Variants in TMEM132D observed in about 807,000 individuals in gnomAD.
TMEM132D encodes mature OL transmembrane protein.
TMEM132D carries 21 observed loss-of-function variants against 62.3 expected under a neutral mutation model. The ratio of observed to expected loss-of-function variants is 0.34; its 90% CI spans 0.24 to 0.49. The LOEUF is 0.49. Among genes scored for constraint, TMEM132D ranks in the 20% least tolerant of loss-of-function variants. The probability of loss-of-function intolerance (pLI) is 0.99; values close to 1 mark genes in which losing one functional copy is unlikely to be tolerated. For missense variants in TMEM132D, 1,346 were observed against 1,402.8 expected (o/e 0.96, Z 0.65); for synonymous variants, 621 against 575.6 (o/e 1.08, Z -1.13).
intron 5 of TMEM132D, among the ~76,000 whole-genome samples, chr12:129,207,745 G>T (rs989468920): frequency 7.1e-6 from 1 of 140,552 alleles, no homozygotes; most frequent in Non-Finnish European, 1.6e-5. Context: ...TGTGAGGAGG[G>T]GAAGCCAGTG....
intron 3 of TMEM132D, among the ~76,000 whole-genome samples, chr12:129,412,945 A>G (rs1593369952): frequency 6.6e-6 from 1 of 152,328 alleles, no homozygotes; most frequent in South Asian, 2.1e-4. Flanking sequence ...ACATTGAGGA[A>G]CTCATGTGCC....
intron 1 of TMEM132D, among the ~76,000 whole-genome samples, chr12:129,821,502 T>G (rs1036539533): frequency 1.3e-5 from 2 of 152,094 alleles, no homozygotes; most frequent in Non-Finnish European, 2.9e-5. Context: ...AATTTCAGGG[T>G]CTGCACATCG....
chr12:129,580,818 G>A (rs1460102839), intron 2 of TMEM132D, among the ~76,000 whole-genome samples: 1 of 152,138 alleles, frequency 6.6e-6, no homozygotes, highest in Non-Finnish European at 1.5e-5. Context: ...GTTCATCACT[G>A]ATATTCAGAA....
intron 4 of TMEM132D, among the ~76,000 whole-genome samples, chr12:129,272,684 C>T (rs1404646413): frequency 6.6e-6 from 1 of 151,554 alleles, no homozygotes; most frequent in African/African-American, 2.4e-5. Context: ...AGATATTAGA[C>T]CTTAATTGGA....
chr12:129,483,764 TA>T (rs1874496748), intron 3 of TMEM132D, among the ~76,000 whole-genome samples: 1 of 152,108 alleles, frequency 6.6e-6, no homozygotes, highest in Admixed American at 6.5e-5. Flanking sequence ...GTGCCCCAAT[TA>T]GGGGGCATTT....
intron 1 of TMEM132D, among the ~76,000 whole-genome samples, chr12:129,797,351 G>A (rs1239597694): frequency 6.6e-6 from 1 of 152,178 alleles, no homozygotes; most frequent in Admixed American, 6.5e-5. Flanking sequence ...TTTCCTTGAA[G>A]CATGGAGTTT....
chr12:129,522,242 T>A (rs1439728869), intron 3 of TMEM132D, among the ~76,000 whole-genome samples: 1 of 152,172 alleles, frequency 6.6e-6, no homozygotes, highest in Non-Finnish European at 1.5e-5. Flanking sequence ...AACCAAACTG[T>A]ATATATTAAT....
chr12:129,758,187 G>C (rs1003992555), intron 1 of TMEM132D, among the ~76,000 whole-genome samples: 1 of 152,128 alleles, frequency 6.6e-6, no homozygotes, highest in African/African-American at 2.4e-5. Flanking sequence ...TTACAGGTGT[G>C]AGCCACCACG....
intron 3 of TMEM132D, among the ~76,000 whole-genome samples, chr12:129,452,717 G>GT (rs1459186899): frequency 2.3e-5 from 3 of 129,926 alleles, no homozygotes; most frequent in Non-Finnish European, 5.0e-5. Flanking sequence ...AAGAAGAAAG[G>GT]AGGGGAGAGA....
intron 4 of TMEM132D, among the ~76,000 whole-genome samples, chr12:129,317,378 T>C (rs1868522560): frequency 6.6e-6 from 1 of 152,128 alleles, no homozygotes; most frequent in Admixed American, 6.5e-5. Context: ...CTGAAAACGA[T>C]TGTATCTTTC....
intron 2 of TMEM132D, among the ~76,000 whole-genome samples, chr12:129,684,900 A>G (rs930372413): frequency 1.3e-5 from 2 of 152,156 alleles, no homozygotes; most frequent in Admixed American, 1.3e-4. Flanking sequence ...TCCCTGCCTT[A>G]GAGATCTGTG....
At chr12:129,252,572 A>T (rs1942944270) in intron 4 of TMEM132D, among the ~76,000 whole-genome samples, 1 of 152,170 alleles carries the variant, frequency 6.6e-6, no homozygotes, top group African/African-American at 2.4e-5. Flanking sequence ...GAGAAATAGG[A>T]ACGCTTTTAC....
chr12:129,803,236 A>AT (rs1593168030), intron 1 of TMEM132D, among the ~76,000 whole-genome samples: 3 of 149,002 alleles, frequency 2.0e-5, no homozygotes, highest in Admixed American at 6.7e-5. Context: ...CAGAATATAC[A>AT]TTTTTTTCAG....
intron 2 of TMEM132D, among the ~76,000 whole-genome samples, chr12:129,615,111 C>T (rs890254023): frequency 1.3e-5 from 2 of 152,150 alleles, no homozygotes; most frequent in African/African-American, 2.4e-5. Flanking sequence ...TTGGACACTG[C>T]TATCTACTGT....
At chr12:129,455,997 G>A (rs1418070712) in intron 3 of TMEM132D, among the ~76,000 whole-genome samples, 2 of 152,154 alleles carry the variant, frequency 1.3e-5, no homozygotes, top group East Asian at 3.9e-4. Flanking sequence ...AATAATCCAG[G>A]CAAGATACAA....
intron 3 of TMEM132D, among the ~76,000 whole-genome samples, chr12:129,346,951 T>A (rs1869704164): frequency 6.6e-6 from 1 of 152,146 alleles, no homozygotes; most frequent in South Asian, 2.1e-4. Flanking sequence ...TGAACCCCCA[T>A]TCAAAATTGC....
intron 3 of TMEM132D, among the ~76,000 whole-genome samples, chr12:129,383,654 G>C (rs926865962): frequency 6.6e-6 from 1 of 152,166 alleles, no homozygotes; most frequent in Non-Finnish European, 1.5e-5. Flanking sequence ...GGCCAGGCTG[G>C]TCTCGAACTC....
chr12:129,784,463 CTTAT>C (rs1400415426), intron 1 of TMEM132D, among the ~76,000 whole-genome samples: 3 of 152,196 alleles, frequency 2.0e-5, no homozygotes, highest in African/African-American at 7.2e-5. Context: ...GTTTTTCAGA[CTTAT>C]TTATTCTCAT....
chr12:129,751,140 C>T (rs549627599), intron 1 of TMEM132D, among the ~76,000 whole-genome samples: 33 of 152,118 alleles, frequency 2.2e-4, no homozygotes, highest in Non-Finnish European at 4.4e-4. Flanking sequence ...AAAGACATAA[C>T]TGAGACCTGG....
Sources: gnomAD v4.1 joint callset for allele counts (sites outside exome capture counted in the v4.1 genomes callset) on GRCh38, gnomAD v4.1.1 for gene constraint, MANE v1.5 for transcripts, NCBI Gene and HGNC (gene_info 2026-07-23, HGNC 2026-07-21) for gene names.